The following CELF2 variants were observed in gnomAD, a reference collection of about 807,000 sequenced individuals.
The protein encoded by CELF2 is CUG triplet repeat RNA-binding protein 2.
CELF2 carries 8 observed loss-of-function variants against 62.6 expected under a neutral mutation model. The ratio of observed to expected loss-of-function variants is 0.13; its 90% CI spans 0.07 to 0.23. The LOEUF is 0.23. Ranked by LOEUF, CELF2 falls within the 10% of genes least tolerant of loss-of-function variation. CELF2 has a pLI of 1.00. For synonymous variants in CELF2, 258 were observed against 250.0 expected, an observed-to-expected ratio of 1.03 and a Z score of -0.30; for missense variants, 333 against 671.0, an observed-to-expected ratio of 0.50 and a Z score of 5.56.
chr10:10,496,073 T>G, the CELF2 span, among the ~76,000 whole-genome samples: 1 of 152,332 alleles, frequency 6.6e-6, no homozygotes, highest in Admixed American at 6.5e-5. Flanking sequence ...ATGGAAACTC[T>G]ATCCCTTTTG....
At position 11,314,998 on chromosome 10, in the gene CELF2, A is replaced by AT. The variant is rs2094838379; in HGVS notation, c.1096+741dup. Among the ~76,000 whole-genome samples, 4 of 152,278 alleles carry AT rather than the reference A, an allele frequency of 2.6e-5. No individual in the cohort carries two copies. The South Asian group carries it at 8.3e-4, about 32-fold the overall frequency. ...AGAAAATTGTACTTGGTTCCGAAAC[A>AT]TATGGATGGACTCACCAGAGAACTG... On this transcript the variant is annotated intron_variant, in intron 10 of 12. Transcript: ENST00000633077. This position sits in a 1 kb window ranked among gnomAD's most constrained non-coding sequence, Gnocchi z 5.3.
At chr10:11,264,549 G>C (rs1565635756) in intron 5 of CELF2, among the ~76,000 whole-genome samples, 1 of 152,342 alleles carries the variant, frequency 6.6e-6, no homozygotes, top group East Asian at 1.9e-4. Flanking sequence ...TTCAAGATAA[G>C]AAGTGGAAAA....
intron 2 of CELF2, among the ~76,000 whole-genome samples, chr10:11,216,878 C>T (rs1455457806): frequency 6.6e-6 from 1 of 152,182 alleles, no homozygotes; most frequent in Non-Finnish European, 1.5e-5. Flanking sequence ...TCCGTATTGG[C>T]AAATGAGTAT....
chr10:10,904,730 C>T (rs1225708361), intron 1 of CELF2, among the ~76,000 whole-genome samples: 2 of 152,172 alleles, frequency 1.3e-5, no homozygotes, highest in Non-Finnish European at 2.9e-5. Flanking sequence ...GAGCTTTAAC[C>T]CCATACTCCT....
chr10:10,480,267 G>C, the CELF2 span, among the ~76,000 whole-genome samples: 8 of 152,174 alleles, frequency 5.3e-5, no homozygotes, highest in Non-Finnish European at 1.0e-4. Context: ...AGTCATGTCT[G>C]AAGGACCTAT....
rs558803760 is a variant in CELF2, at chr10:10,800,006, G to A, written c.53+1189G>A. Among the ~76,000 whole-genome samples, 173 of 152,284 alleles carry A rather than the reference G, an allele frequency of 1.1e-3. 1 individual carries two copies. Among genetic ancestry groups the A allele is most frequent in the Non-Finnish European group, 8.8e-5 (6 of 68,032 alleles). ...TACAAATGAGGAGAAATGTGCGGAC[G>A]TTACTGGAACTTCTTTTTCCTGACA... On this transcript the variant is annotated intron_variant, in intron 1 of 13. Transcript: ENST00000636488.
chr10:10,918,228 G>T (rs2134607314), intron 1 of CELF2, among the ~76,000 whole-genome samples: 1 of 152,322 alleles, frequency 6.6e-6, no homozygotes, highest in East Asian at 1.9e-4. Context: ...GCTAAATAGG[G>T]AGGGGTATTT....
chr10:10,842,581 A>G (rs989150492), intron 1 of CELF2, among the ~76,000 whole-genome samples: 3 of 152,026 alleles, frequency 2.0e-5, no homozygotes, highest in African/African-American at 4.8e-5. Context: ...CTGTTGATAT[A>G]GTAGATTACA....
At chr10:11,070,174 A>G (rs2069424082) in intron 1 of CELF2, among the ~76,000 whole-genome samples, 1 of 152,174 alleles carries the variant, frequency 6.6e-6, no homozygotes, top group Non-Finnish European at 1.5e-5. Context: ...TTCTTCGTAT[A>G]CAGTGGGTTT....
the CELF2 span, among the ~76,000 whole-genome samples, chr10:10,756,001 C>A: frequency 6.6e-6 from 1 of 152,096 alleles, no homozygotes; most frequent in Non-Finnish European, 1.5e-5. Flanking sequence ...TAAAATGCTG[C>A]CTGGTCAAGG....
intron 2 of CELF2, chr10:10,925,167 C>A (rs553509996): frequency 6.6e-6 from 1 of 152,112 alleles, no homozygotes; most frequent in South Asian, 2.1e-4. Flanking sequence ...GTCCTCAGTA[C>A]GCAATGCCAT....
Position 11,018,108 on chromosome 10 carries a change from C to G in CELF2, c.19C>G (p.Leu7Val). MTSAFK[L>V]DFLPDMMVEG... Reference sequence around the variant, plus strand: ...CGCGAACATGACTTCTGCCTTCAAGCTGGATTTCCTCCCGGACATGATGGT... The same window carrying G: ...CGCGAACATGACTTCTGCCTTCAAGGTGGATTTCCTCCCGGACATGATGGT... Residue 7 changes from leucine (L) to valine (V), a missense_variant, in exon 1 of 13, where the codon CTG (leucine) becomes GTG (valine). By Grantham distance (32) the Leu-to-Val change is conservative (BLOSUM62 1). Coordinates refer to ENST00000633077, the MANE Select transcript of CELF2 (RefSeq NM_001326342.2). 1 of 1,508,684 alleles carries G rather than the reference C, an allele frequency of 6.6e-7. No homozygotes were observed. Among genetic ancestry groups the G allele is most frequent in the Non-Finnish European group, 8.9e-7 (1 of 1,123,954 alleles). The allele number at this position is 1,508,684 out of a possible 1,614,324, so 93.5% of individuals were successfully genotyped here.
chr10:10,555,052 G>A, the CELF2 span, among the ~76,000 whole-genome samples: 1 of 152,200 alleles, frequency 6.6e-6, no homozygotes, highest in Non-Finnish European at 1.5e-5. Flanking sequence ...TCACGAAGGG[G>A]TTAGAAAAAG....
the CELF2 span, among the ~76,000 whole-genome samples, chr10:10,618,496 C>A: frequency 6.6e-6 from 1 of 152,068 alleles, no homozygotes; most frequent in Admixed American, 6.5e-5. Flanking sequence ...CCAACTCCAG[C>A]CCATATAATT....
chr10:11,219,309 G>A (rs1211699585), intron 3 of CELF2, among the ~76,000 whole-genome samples: 1 of 152,090 alleles, frequency 6.6e-6, no homozygotes, highest in African/African-American at 2.4e-5. Flanking sequence ...TTCTGTTTGG[G>A]ATTCTTACAC....
chr10:10,664,017 TA>T, the CELF2 span, among the ~76,000 whole-genome samples: 1 of 152,120 alleles, frequency 6.6e-6, no homozygotes, highest in African/African-American at 2.4e-5. Flanking sequence ...CAAATTAGTT[TA>T]AGAATATAAA....
At chr10:10,591,522 G>A in the CELF2 span, among the ~76,000 whole-genome samples, 65 of 151,988 alleles carry the variant, frequency 4.3e-4, no homozygotes, top group Non-Finnish European at 9.1e-4. Context: ...TAAAGGTAAC[G>A]TTTATTCTTT....
intron 1 of CELF2, among the ~76,000 whole-genome samples, chr10:11,087,299 G>A (rs778874554): frequency 6.6e-6 from 1 of 152,200 alleles, no homozygotes; most frequent in Non-Finnish European, 1.5e-5. Context: ...TATATATTGG[G>A]ATGGGGTGTG....
At chr10:10,665,416 A>G in the CELF2 span, among the ~76,000 whole-genome samples, 2 of 152,198 alleles carry the variant, frequency 1.3e-5, no homozygotes, top group East Asian at 3.8e-4. Flanking sequence ...ATATATATAT[A>G]AATGTATGTG....
Sources: allele counts gnomAD v4.1 joint callset (sites outside exome capture counted in the v4.1 genomes callset), GRCh38; gene constraint gnomAD v4.1.1; non-coding constraint Gnocchi (gnomAD v3.1); transcripts MANE v1.5; gene names NCBI Gene and HGNC (gene_info 2026-07-23, HGNC 2026-07-21).